Variants in NTAQ1 observed in about 807,000 individuals in gnomAD.
The protein encoded by NTAQ1 is protein N-terminal glutamine amidohydrolase.
A neutral mutation model predicts 28.2 loss-of-function variants in NTAQ1; 21 were observed. The ratio of observed to expected loss-of-function variants is 0.74; its 90% CI spans 0.53 to 1.07. The LOEUF (loss-of-function observed/expected upper bound fraction) is 1.07, where lower values mean the gene tolerates loss of function less well. NTAQ1 is among the 50% of genes least tolerant of loss of function. The pLI is 0.00. For synonymous variants in NTAQ1, 105 were observed against 90.0 expected, an observed-to-expected ratio of 1.17 and a Z score of -0.94; for missense variants, 264 against 256.6, an observed-to-expected ratio of 1.03 and a Z score of -0.20.
At chr8:123,471,223 G>A (rs542065868), downstream of NTAQ1, among the ~76,000 whole-genome samples, 12 of 152,232 alleles carry the variant, frequency 7.9e-5, 1 homozygote, top group South Asian at 1.9e-3. Context: ...GAGCCACCAT[G>A]CCTTGCCTCT....
Position 123,441,634 on chromosome 8 carries a change from C to A in NTAQ1, c.*219C>A. Reference sequence around the variant, plus strand: ...TGAAACTTGATAAAGTGCGTACTTGCTAAGATATTCCTGTGGCTCATGCGT... The same window carrying A: ...TGAAACTTGATAAAGTGCGTACTTGATAAGATATTCCTGTGGCTCATGCGT... On this transcript the variant is annotated 3_prime_UTR_variant, in exon 6 of 6. Transcript: ENST00000287387. 1 of 549,430 alleles carries A rather than the reference C, an allele frequency of 1.8e-6. No individual in the cohort carries two copies. Among genetic ancestry groups the A allele is most frequent in the Admixed American group, 3.0e-5 (1 of 32,820 alleles). The allele number at this position is 549,430 out of a possible 1,614,324, so 34.0% of individuals were successfully genotyped here.
intron 6 of NTAQ1, among the ~76,000 whole-genome samples, chr8:123,466,221 T>C (rs1815957824): frequency 6.6e-6 from 1 of 152,122 alleles, no homozygotes; most frequent in East Asian, 1.9e-4. Context: ...GAGGCAGCTT[T>C]ATATAGCTGC....
At position 123,440,576 on chromosome 8, in the gene NTAQ1, T is replaced by C. The variant is rs1183650640; in HGVS notation, c.509-730T>C. Among the ~76,000 whole-genome samples the C allele has an allele frequency of 1.3e-5, 2 of 151,764 alleles. 1 individual carries two copies. The highest frequency in any genetic ancestry group is 1.3e-4 in the Admixed American group (2 of 15,178). Reference sequence around the variant, plus strand: ...GTGAAGTGGCGTGATCTTGGCTCATTACACCCTCCAACTCCCAGGTTCAAG... The same window carrying C: ...GTGAAGTGGCGTGATCTTGGCTCATCACACCCTCCAACTCCCAGGTTCAAG... On this transcript the variant is annotated intron_variant, in intron 5 of 5. Transcript: ENST00000287387.
intron 3 of NTAQ1, among the ~76,000 whole-genome samples, chr8:123,431,155 T>C (rs1814365265): frequency 6.6e-6 from 1 of 152,040 alleles, no homozygotes; most frequent in Non-Finnish European, 1.5e-5. Context: ...CTGGTCAACA[T>C]GGTAAAACCC....
chr8:123,423,000 G>A (rs1387068851), intron 1 of NTAQ1, among the ~76,000 whole-genome samples: 1 of 152,038 alleles, frequency 6.6e-6, no homozygotes, highest in Admixed American at 6.6e-5. Flanking sequence ...TGTTCCATTG[G>A]TCCGTGTGTC....
chr8:123,469,516 A>G (rs1816021513), exon 7 of NTAQ1, among the ~76,000 whole-genome samples: 1 of 152,158 alleles, frequency 6.6e-6, no homozygotes, highest in African/African-American at 2.4e-5. Context: ...TCTAATGTTA[A>G]TTTTTTTAAC....
Position 123,441,365 on chromosome 8 carries a change from G to T in NTAQ1, c.568G>T (p.Val190Phe). 6.2e-7 allele frequency: 1 copy of T among 1,612,018 alleles called. No homozygotes were observed. The highest frequency in any genetic ancestry group is 8.5e-7 in the Non-Finnish European group (1 of 1,178,976). ...SMDPKVGWGA[V>F]YTLSEFTHRF... ...GGATCCCAAGGTAGGATGGGGCGCC[G>T]TCTACACACTATCCGAATTTACACA... Residue 190 changes from valine to phenylalanine, a missense_variant, in exon 6 of 6, where the codon GTC becomes TTC. Coordinates refer to ENST00000287387, the MANE Select transcript of NTAQ1 (RefSeq NM_018024.3).
At chr8:123,417,320 A>G (rs1813359439) in intron 1 of NTAQ1, among the ~76,000 whole-genome samples, 1 of 152,066 alleles carries the variant, frequency 6.6e-6, no homozygotes, top group African/African-American at 2.4e-5. Context: ...AAGAGAATGA[A>G]GGCACGGAGA....
At chr8:123,436,056 C>T (rs914368593) in intron 3 of NTAQ1, among the ~76,000 whole-genome samples, 9 of 150,688 alleles carry the variant, frequency 6.0e-5, no homozygotes, top group Non-Finnish European at 5.9e-5. Flanking sequence ...GTAATCCCAG[C>T]TACTCGGGAG....
chr8:123,423,223 C>T (rs1431955652), intron 1 of NTAQ1, among the ~76,000 whole-genome samples: 1 of 143,090 alleles, frequency 7.0e-6, no homozygotes, highest in Non-Finnish European at 1.5e-5. Context: ...TCCCTTCCTT[C>T]CTTCCCTCTC....
chr8:123,448,027 T>G (rs1255874875), intron 6 of NTAQ1: 1 of 152,190 alleles, frequency 6.6e-6, no homozygotes, highest in Non-Finnish European at 1.5e-5. Flanking sequence ...CCTTCACACC[T>G]TTGCCTACTT....
At position 123,430,050 on chromosome 8, in the gene NTAQ1, A is replaced by G. The variant is rs368793329; in HGVS notation, c.234+17A>G. ...GTGATCTGGGTAAGACAGTTAATAC[A>G]GAGAGTATTGACGCATTATGACTTG... On this transcript the variant is annotated intron_variant, in intron 3 of 5. Coordinates refer to ENST00000287387, the MANE Select transcript of NTAQ1 (RefSeq NM_018024.3). 1.0e-5 allele frequency: 16 copies of G among 1,607,400 alleles called. No homozygotes were observed. Among genetic ancestry groups the G allele is most frequent in the Non-Finnish European group, 1.4e-5 (16 of 1,174,976 alleles).
downstream of NTAQ1, among the ~76,000 whole-genome samples, chr8:123,447,214 T>A (rs1279782060): frequency 6.6e-6 from 1 of 152,172 alleles, no homozygotes; most frequent in Non-Finnish European, 1.5e-5. Context: ...AAAAAAATTA[T>A]ACTTACATAT....
rs986484133 is a variant in NTAQ1, at chr8:123,427,833, A to C, written c.84-91A>C. ...TGACATGGGGTTTAAGGTCTTTTCC[A>C]ACTTTTTGATGTCATCATCAGTATT... On this transcript the variant is annotated intron_variant, in intron 1 of 5. Coordinates refer to ENST00000287387, the MANE Select transcript of NTAQ1 (RefSeq NM_018024.3). 4.5e-6 allele frequency: 5 copies of C among 1,109,960 alleles called. No homozygotes were observed. In the African/African-American group the frequency reaches 6.3e-5, roughly 14 times the overall value. 68.8% of individuals were successfully genotyped at this position (1,109,960 alleles called of 1,614,324 possible).
chr8:123,455,603 T>G (rs1013335469), intron 6 of NTAQ1, among the ~76,000 whole-genome samples: 10 of 152,024 alleles, frequency 6.6e-5, no homozygotes, highest in African/African-American at 2.2e-4. Flanking sequence ...TTTTGTAATT[T>G]TAGTAGAAAC....
chr8:123,458,092 CCTCA>C (rs1815704984), intron 6 of NTAQ1, among the ~76,000 whole-genome samples: 1 of 119,454 alleles, frequency 8.4e-6, no homozygotes, highest in Non-Finnish European at 1.7e-5. Flanking sequence ...TCACACTTCC[CCTCA>C]CTGTTTTTTT....
At chr8:123,429,962 G>A (rs755723239) in intron 2 of NTAQ1, 21 bp from the exon 3 acceptor site, 8 of 1,576,166 alleles carry the variant, frequency 5.1e-6, no homozygotes, top group Non-Finnish European at 6.0e-6. Context: ...TATGGCTTAC[G>A]AAATGTATTG....
intron 1 of NTAQ1, among the ~76,000 whole-genome samples, chr8:123,427,511 G>A (rs567934158): frequency 1.3e-5 from 2 of 151,918 alleles, no homozygotes; most frequent in Non-Finnish European, 2.9e-5. Context: ...CTCGTGATCC[G>A]CCCGCCTCGG....
At chr8:123,428,473 C>T (rs764185787) in intron 2 of NTAQ1, among the ~76,000 whole-genome samples, 2 of 152,124 alleles carry the variant, frequency 1.3e-5, no homozygotes, top group Non-Finnish European at 2.9e-5. Flanking sequence ...GCTGGGAGTA[C>T]AGGTGTGAGC....
Sources: allele counts gnomAD v4.1 joint callset (sites outside exome capture counted in the v4.1 genomes callset), GRCh38; gene constraint gnomAD v4.1.1; transcripts MANE v1.5; gene names NCBI Gene and HGNC (gene_info 2026-07-23, HGNC 2026-07-21).